The following BACH2 variants were observed in gnomAD, a reference collection of about 807,000 sequenced individuals.
BACH2 encodes the protein BACH transcriptional regulator 2, also known as transcription regulator protein BACH2.
A neutral mutation model predicts 61.8 loss-of-function variants in BACH2; 5 were observed. The observed-to-expected ratio is 0.08, with a 90% CI of 0.04 to 0.17. The LOEUF (loss-of-function observed/expected upper bound fraction) is 0.17, where lower values mean the gene tolerates loss of function less well. Ranked by LOEUF, BACH2 falls within the 10% of genes least tolerant of loss-of-function variation. BACH2 has a pLI of 1.00. For missense variants in BACH2, 824 were observed against 1,091.1 expected, an observed-to-expected ratio of 0.76 and a Z score of 3.45; for synonymous variants, 446 against 440.1, an observed-to-expected ratio of 1.01 and a Z score of -0.17.
intron 4 of BACH2, among the ~76,000 whole-genome samples, chr6:90,144,238 C>T (rs948129323): frequency 6.6e-6 from 1 of 152,130 alleles, no homozygotes; most frequent in Non-Finnish European, 1.5e-5. Flanking sequence ...TTGTGTACAA[C>T]ACAAAGAAAA....
At chr6:90,068,210 T>C (rs557448012) in intron 5 of BACH2, among the ~76,000 whole-genome samples, 3 of 152,332 alleles carry the variant, frequency 2.0e-5, no homozygotes, top group South Asian at 2.1e-4. Flanking sequence ...TTTTAAAAAA[T>C]TGTGGTATTG....
intron 4 of BACH2, among the ~76,000 whole-genome samples, chr6:90,176,099 G>T (rs1357171655): frequency 6.6e-6 from 1 of 152,198 alleles, no homozygotes; most frequent in Non-Finnish European, 1.5e-5. Context: ...GCCCTGCGTA[G>T]CATGTGGTGA....
intron 7 of BACH2, among the ~76,000 whole-genome samples, chr6:89,948,574 C>G (rs1002402482): frequency 2.0e-5 from 3 of 152,160 alleles, no homozygotes; most frequent in Admixed American, 6.5e-5. Flanking sequence ...CTCCCTCCAC[C>G]AGTCCTTGGT....
chr6:89,939,496 T>C (rs1430431236), intron 7 of BACH2, among the ~76,000 whole-genome samples: 1 of 152,170 alleles, frequency 6.6e-6, no homozygotes, highest in African/African-American at 2.4e-5. Context: ...TATGCAACAA[T>C]AGACATTGGA....
intron 3 of BACH2, among the ~76,000 whole-genome samples, chr6:90,241,742 ACTG>A (rs1770460634): frequency 1.3e-5 from 2 of 152,126 alleles, no homozygotes; most frequent in African/African-American, 4.8e-5. Context: ...AAGTTGCCAA[ACTG>A]CTTATTTTTT....
At chr6:90,267,777 T>C (rs1406819870) in intron 2 of BACH2, among the ~76,000 whole-genome samples, 1 of 152,114 alleles carries the variant, frequency 6.6e-6, no homozygotes, top group Non-Finnish European at 1.5e-5. Flanking sequence ...TTGCAGAGTA[T>C]TGTTTATGAT....
At chr6:90,220,231 G>A (rs1476397994) in intron 3 of BACH2, among the ~76,000 whole-genome samples, 1 of 152,116 alleles carries the variant, frequency 6.6e-6, no homozygotes. Context: ...AATGTATGAA[G>A]GAAGATGTAT....
At chr6:90,164,828 A>C (rs1767549736) in intron 4 of BACH2, among the ~76,000 whole-genome samples, 1 of 152,220 alleles carries the variant, frequency 6.6e-6, no homozygotes, top group Non-Finnish European at 1.5e-5. Flanking sequence ...GATTATCTCA[A>C]TAGATGCAGA....
intron 4 of BACH2, among the ~76,000 whole-genome samples, chr6:90,191,738 T>G (rs1239228387): frequency 1.3e-5 from 2 of 152,176 alleles, no homozygotes; most frequent in East Asian, 3.8e-4. Flanking sequence ...TATAGTCTAT[T>G]GTAAAGAGGC....
chr6:90,230,559 C>A (rs1395642216), intron 3 of BACH2, among the ~76,000 whole-genome samples: 1 of 152,188 alleles, frequency 6.6e-6, no homozygotes, highest in Non-Finnish European at 1.5e-5. Flanking sequence ...GCATGGCAGC[C>A]TTTGCTTCAG....
At chr6:90,194,701 G>C (rs996183422) in intron 4 of BACH2, among the ~76,000 whole-genome samples, 9 of 152,318 alleles carry the variant, frequency 5.9e-5, no homozygotes, top group African/African-American at 2.2e-4. Context: ...GCTTTAAGCA[G>C]GTGCCGCAGA....
intron 4 of BACH2, among the ~76,000 whole-genome samples, chr6:90,197,983 A>C (rs1010378125): frequency 2.0e-5 from 3 of 152,170 alleles, no homozygotes; most frequent in Admixed American, 6.5e-5. Flanking sequence ...GTGTAAGGAA[A>C]ATGGATGAGC....
chr6:90,276,147 TAAAACG>T (rs1771684187), intron 1 of BACH2, among the ~76,000 whole-genome samples: 2 of 152,182 alleles, frequency 1.3e-5, no homozygotes, highest in Non-Finnish European at 2.9e-5. Flanking sequence ...AATACATGTG[TAAAACG>T]TTTCATCTAT....
chr6:90,175,262 TTTA>T (rs1211123243), intron 4 of BACH2, among the ~76,000 whole-genome samples: 1 of 152,146 alleles, frequency 6.6e-6, no homozygotes, highest in Non-Finnish European at 1.5e-5. Flanking sequence ...GAAATTAATA[TTTA>T]TTATTTTTTC....
At chr6:90,232,787 C>T (rs1770140559) in intron 3 of BACH2, among the ~76,000 whole-genome samples, 1 of 152,164 alleles carries the variant, frequency 6.6e-6, no homozygotes, top group Admixed American at 6.5e-5. Flanking sequence ...ATAATAGCTG[C>T]CAAAAAGTTC....
chr6:90,065,776 AC>A (rs560116806), intron 5 of BACH2, among the ~76,000 whole-genome samples: 182 of 152,340 alleles, frequency 1.2e-3, no homozygotes, highest in African/African-American at 3.8e-3. Context: ...ATGGTATAAA[AC>A]ACATAAAGCA....
At chr6:90,182,411 C>T (rs557357674) in intron 4 of BACH2, among the ~76,000 whole-genome samples, 2 of 152,274 alleles carry the variant, frequency 1.3e-5, no homozygotes, top group East Asian at 1.9e-4. Context: ...TCACGTTCTC[C>T]GTCAAGGATT....
At chr6:90,047,549 C>T (rs974452360) in intron 5 of BACH2, among the ~76,000 whole-genome samples, 1 of 152,330 alleles carries the variant, frequency 6.6e-6, no homozygotes, top group African/African-American at 2.4e-5. Flanking sequence ...CTTTCCTCTA[C>T]TCATACAGTA....
intron 5 of BACH2, among the ~76,000 whole-genome samples, chr6:90,026,606 C>T (rs752960063): frequency 7.2e-5 from 11 of 152,138 alleles, no homozygotes; most frequent in Non-Finnish European, 1.3e-4. Flanking sequence ...TGGGGGTTAC[C>T]TCCAGACACA....
Sources: gnomAD v4.1 joint callset for allele counts (sites outside exome capture counted in the v4.1 genomes callset) on GRCh38, gnomAD v4.1.1 for gene constraint, MANE v1.5 for transcripts, NCBI Gene and HGNC (gene_info 2026-07-23, HGNC 2026-07-21) for gene names.